Variants in EBF3 observed in about 807,000 individuals in gnomAD.
The protein encoded by EBF3 is EBF transcription factor 3.
A neutral mutation model predicts 77.1 loss-of-function variants in EBF3; 18 were observed. The observed-to-expected ratio is 0.23, with a 90% CI of 0.16 to 0.35. The LOEUF (loss-of-function observed/expected upper bound fraction) is 0.35, where lower values mean the gene tolerates loss of function less well. Among genes scored for constraint, EBF3 ranks in the 10% least tolerant of loss-of-function variants. The probability of loss-of-function intolerance (pLI) is 1.00; values close to 1 mark genes in which losing one functional copy is unlikely to be tolerated. For missense variants in EBF3, 558 were observed against 860.0 expected, an observed-to-expected ratio of 0.65 and a Z score of 4.39; for synonymous variants, 350 against 343.5, an observed-to-expected ratio of 1.02 and a Z score of -0.21.
chr10:129,843,269 C>T lies in EBF3; in HGVS notation c.1129-67G>A, dbSNP rs777732440. On this transcript the variant is annotated intron_variant, in intron 11 of 16. Coordinates refer to ENST00000440978, the MANE Select transcript of EBF3 (RefSeq NM_001375380.1). ...GGCCAGTTATCACTGCCCTTCAGTA[C>T]CAGTTCCGTCTGCGGGTGTGGAGAC... The T allele has an allele frequency of 4.0e-6, 6 of 1,516,420 alleles. No individual in the cohort carries two copies. In the South Asian group the frequency reaches 5.9e-5, roughly 15 times the overall value. 93.9% of individuals were successfully genotyped at this position (1,516,420 alleles called of 1,614,324 possible). A position where few individuals can be genotyped will look rare whatever the true frequency, so the allele number is the denominator to read the frequency against.
chr10:129,840,200 C>CG, intron 15 of EBF3, 45 bp downstream of exon 15: 1 of 1,520,972 alleles, frequency 6.6e-7, no homozygotes, highest in Non-Finnish European at 8.9e-7. Context: ...ATCCCCACCC[C>CG]TGGAGAGGAC....
intron 6 of EBF3, among the ~76,000 whole-genome samples, chr10:129,930,582 T>C (rs1040310330): frequency 4.2e-5 from 6 of 144,420 alleles, no homozygotes; most frequent in East Asian, 2.2e-4. Flanking sequence ...TATCTCTATA[T>C]TAACAAATCC....
At chr10:129,953,134 A>T (rs548673159) in intron 6 of EBF3, among the ~76,000 whole-genome samples, 2 of 151,816 alleles carry the variant, frequency 1.3e-5, no homozygotes, top group African/African-American at 4.8e-5. Flanking sequence ...AGTCACTTTA[A>T]AGGTGTAAAC....
chr10:129,953,705 C>T (rs548389111), intron 6 of EBF3, among the ~76,000 whole-genome samples: 3 of 152,220 alleles, frequency 2.0e-5, no homozygotes, highest in Non-Finnish European at 4.4e-5. Flanking sequence ...ACCACCCCTA[C>T]AGTTGGCCTC....
Position 129,958,907 on chromosome 10 carries a change from CCCCGCCGCCCGCCG to C in EBF3, c.485+13_485+26del. 2 of 1,582,570 alleles carry C rather than the reference CCCCGCCGCCCGCCG, an allele frequency of 1.3e-6. No individual in the cohort carries two copies. The highest frequency in any genetic ancestry group is 1.8e-5 in the Admixed American group (1 of 56,754). ...CAGCTGGCGCCGAGGCAGCCCGCGC[CCCCGCCGCCCGCCG>C]CCCGCCGCTCACCTGCACATGATCT... On this transcript the variant is annotated intron_variant, in intron 5 of 16. Transcript: ENST00000440978.
Position 129,843,148 on chromosome 10 carries a change from G to C in EBF3, c.1183C>G (p.His395Asp). 1 of 1,613,530 alleles carries C rather than the reference G, an allele frequency of 6.2e-7. No homozygotes were observed. The highest frequency in any genetic ancestry group is 8.5e-7 in the Non-Finnish European group (1 of 1,179,684). The change falls in exon 12 of 17, where the codon CAC (histidine) becomes GAC (aspartate). Residue 395 changes from histidine (H) to aspartate (D), a missense_variant. This residue lies in a region of EBF3 where 284 missense variants were observed against 368.3 expected (regional missense o/e 0.77). Transcript: ENST00000440978. ...DLVEALYGMP[H>D]NNQEIILKRA... ...CGCCCTCCACCTACCTGGTTGTTGTGAGGCATTCCGTATAAGGCTTCCACC... is the reference window on the plus strand; with the variant it reads ...CGCCCTCCACCTACCTGGTTGTTGTCAGGCATTCCGTATAAGGCTTCCACC...
At chr10:129,843,104 G>GT in intron 12 of EBF3, 33 bp downstream of exon 12, 1 of 1,604,834 alleles carries the variant, frequency 6.2e-7, no homozygotes, top group Non-Finnish European at 8.5e-7. Context: ...GCATGGGGGG[G>GT]AGGATGGGCG....
chr10:129,883,981 G>A (rs1225078125), intron 6 of EBF3, among the ~76,000 whole-genome samples: 2 of 152,240 alleles, frequency 1.3e-5, no homozygotes, highest in Admixed American at 6.5e-5. Context: ...AGTGGGGCAC[G>A]TGATCCGAGG....
rs894611426 is a variant in EBF3 at position 129,936,453 on chromosome 10, G to A, written c.554+20805C>T. Among the ~76,000 whole-genome samples, 7 of 152,224 alleles carry A rather than the reference G, an allele frequency of 4.6e-5. No homozygotes were observed. In the East Asian group the frequency reaches 7.7e-4, roughly 17 times the overall value. On this transcript the variant is annotated intron_variant, in intron 6 of 16. Transcript: ENST00000440978. The stretch of plus-strand genomic sequence containing the variant: ...TTGCTGAGGGATGGGAGAGGCCCAC[G>A]GGAAGTAGGGCTGGCCTGTCAGGGG...
intron 6 of EBF3, among the ~76,000 whole-genome samples, chr10:129,955,096 G>C (rs1858942729): frequency 6.6e-6 from 1 of 152,094 alleles, no homozygotes; most frequent in Non-Finnish European, 1.5e-5. Context: ...GTAAGCTGGA[G>C]ACAGTGCCAA....
chr10:129,889,020 A>G (rs1297234074), intron 6 of EBF3, among the ~76,000 whole-genome samples: 1 of 152,184 alleles, frequency 6.6e-6, no homozygotes, highest in Admixed American at 6.5e-5. Flanking sequence ...CCCCTCCCCA[A>G]CAGCCCCTCC....
At chr10:129,856,367 T>C (rs548502716) in intron 10 of EBF3, among the ~76,000 whole-genome samples, 25 of 152,340 alleles carry the variant, frequency 1.6e-4, no homozygotes, top group African/African-American at 6.0e-4. Flanking sequence ...CAAAATGTGG[T>C]ATATCCATAC....
At chr10:129,925,535 T>C (rs1856608231) in intron 6 of EBF3, among the ~76,000 whole-genome samples, 1 of 146,972 alleles carries the variant, frequency 6.8e-6, no homozygotes, top group Non-Finnish European at 1.5e-5. Flanking sequence ...GAGGTTACAG[T>C]GAGCCAAGAT....
At chr10:129,915,446 G>A (rs1477180653) in intron 6 of EBF3, among the ~76,000 whole-genome samples, 1 of 145,618 alleles carries the variant, frequency 6.9e-6, no homozygotes, top group Non-Finnish European at 1.5e-5. Context: ...ACTCACCCAT[G>A]CATGCGCGCA....
chr10:129,921,274 G>T (rs932262780), intron 6 of EBF3, among the ~76,000 whole-genome samples: 1 of 152,122 alleles, frequency 6.6e-6, no homozygotes, highest in South Asian at 2.1e-4. Context: ...CACTGCAGTG[G>T]GGCCATCCTG....
At chr10:129,877,622 A>G (rs905640895) in intron 7 of EBF3, 146 bp downstream of exon 7, 6 of 647,702 alleles carry the variant, frequency 9.3e-6, no homozygotes, top group African/African-American at 1.8e-5. Flanking sequence ...TTTTATTTGC[A>G]TATTTTTATC....
rs1489210578 is a variant in EBF3 at position 129,944,836 on chromosome 10, T to A, written c.554+12422A>T. ...GCTGTTGCCTAGGATCAAGCAAAGG[T>A]TATTATCCTCTTCGAAAACACTATA... On this transcript the variant is annotated intron_variant, in intron 6 of 16. Transcript: ENST00000440978. This position sits in a 1 kb window ranked among gnomAD's most constrained non-coding sequence, Gnocchi z 5.1. Among the ~76,000 whole-genome samples, 2 of 151,802 alleles carry A rather than the reference T, an allele frequency of 1.3e-5. No homozygotes were observed. The highest frequency in any genetic ancestry group is 2.9e-5 in the Non-Finnish European group (2 of 68,010).
chr10:129,854,142 T>C (rs1437681773), intron 10 of EBF3, among the ~76,000 whole-genome samples: 1 of 152,068 alleles, frequency 6.6e-6, no homozygotes, highest in African/African-American at 2.4e-5. Context: ...AAATGCCTGC[T>C]TTTTCTCCCT....
chr10:129,840,805 G>T, intron 14 of EBF3, 39 bp downstream of exon 14: 2 of 1,592,546 alleles, frequency 1.3e-6, no homozygotes, highest in Non-Finnish European at 1.7e-6. Context: ...TAGTGAATAT[G>T]AATCTGCGTG....
Sources: allele counts gnomAD v4.1 joint callset (sites outside exome capture counted in the v4.1 genomes callset), GRCh38; gene constraint gnomAD v4.1.1; regional missense constraint gnomAD v4.1.1; non-coding constraint Gnocchi (gnomAD v3.1); transcripts MANE v1.5; gene names NCBI Gene and HGNC (gene_info 2026-07-23, HGNC 2026-07-21).